The following MAP2K4 variants were observed in gnomAD, a reference collection of about 807,000 sequenced individuals.
MAP2K4 encodes mitogen-activated protein kinase kinase 4.
MAP2K4 carries 4 observed loss-of-function variants against 48.5 expected under a neutral mutation model. The observed-to-expected ratio is 0.08, with a 90% confidence interval of 0.04 to 0.19. The LOEUF (loss-of-function observed/expected upper bound fraction) is 0.19. MAP2K4 is among the 10% of genes least tolerant of loss of function. MAP2K4 has a pLI of 1.00. For missense variants in MAP2K4, 258 were observed against 493.3 expected (o/e 0.52, Z 4.52); for synonymous variants, 166 against 173.1 (o/e 0.96, Z 0.32).
intron 1 of MAP2K4, among the ~76,000 whole-genome samples, chr17:12,030,488 T>G (rs1212127971): frequency 1.3e-5 from 2 of 152,238 alleles, no homozygotes; most frequent in Non-Finnish European, 2.9e-5. Flanking sequence ...CTTATATAGA[T>G]TCTGTACTGG....
intron 4 of MAP2K4, among the ~76,000 whole-genome samples, 197 bp from the exon 5 acceptor site, chr17:12,107,593 T>C (rs1170419327): frequency 6.6e-6 from 1 of 152,054 alleles, no homozygotes; most frequent in Admixed American, 6.6e-5. Context: ...GAAAATTGGC[T>C]TTAACTACAT....
chr17:12,105,997 C>G (rs1026655991), intron 4 of MAP2K4, among the ~76,000 whole-genome samples: 17 of 152,096 alleles, frequency 1.1e-4, no homozygotes, highest in Admixed American at 6.6e-5. Context: ...TTATCACAGT[C>G]CACTGAGGAT....
chr17:12,125,233 C>T, intron 7 of MAP2K4, 61 bp from the exon 8 acceptor site: 1 of 1,251,028 alleles, frequency 8.0e-7, no homozygotes, highest in South Asian at 1.2e-5. Context: ...GCTGTTGCTT[C>T]CATTTGCCTA....
rs1191221032 is a variant in MAP2K4 at position 12,053,488 on chromosome 17, T to G, written c.116-1401T>G. On this transcript the variant is annotated intron_variant, in intron 1 of 10. Transcript: ENST00000353533. Reference sequence around the variant, plus strand: ...GCTACTGATTTTTGTATTGCAAGAGTTTTCCCAAGGTTCAATTTTTTTTTA... The same window carrying G: ...GCTACTGATTTTTGTATTGCAAGAGGTTTCCCAAGGTTCAATTTTTTTTTA... Among the ~76,000 whole-genome samples, 3 of 152,066 alleles carry G rather than the reference T, an allele frequency of 2.0e-5. No individual in the cohort carries two copies. In the East Asian group the frequency reaches 5.8e-4, roughly 29 times the overall value.
At chr17:12,036,251 C>T (rs544518557) in intron 1 of MAP2K4, among the ~76,000 whole-genome samples, 4 of 151,966 alleles carry the variant, frequency 2.6e-5, no homozygotes, top group African/African-American at 9.7e-5. Flanking sequence ...TGTAAGAACA[C>T]TTTAGGGAAA....
intron 7 of MAP2K4, among the ~76,000 whole-genome samples, chr17:12,117,044 TG>T (rs1353467229): frequency 6.6e-6 from 1 of 152,188 alleles, no homozygotes; most frequent in East Asian, 1.9e-4. Flanking sequence ...ATATGTGGTC[TG>T]TCGTTCACCA....
At chr17:12,066,916 A>T (rs1970635612) in intron 2 of MAP2K4, among the ~76,000 whole-genome samples, 1 of 152,140 alleles carries the variant, frequency 6.6e-6, no homozygotes, top group Non-Finnish European at 1.5e-5. Context: ...TGACCTCGTG[A>T]TCCGCCCGCC....
intron 5 of MAP2K4, among the ~76,000 whole-genome samples, 194 bp downstream of exon 5, chr17:12,108,103 A>G (rs1467287586): frequency 6.6e-6 from 1 of 152,160 alleles, no homozygotes; most frequent in Admixed American, 6.5e-5. Flanking sequence ...AAATACTGCC[A>G]ATGTTCTTTC....
At chr17:12,138,883 C>A (rs1000270544) in intron 9 of MAP2K4, among the ~76,000 whole-genome samples, 3 of 152,112 alleles carry the variant, frequency 2.0e-5, no homozygotes, top group African/African-American at 4.8e-5. Flanking sequence ...TTTTGTGGAT[C>A]AGTCATTAGA....
chr17:12,025,295 C>T (rs903879504), intron 1 of MAP2K4, among the ~76,000 whole-genome samples: 2 of 152,146 alleles, frequency 1.3e-5, no homozygotes, highest in African/African-American at 2.4e-5. Context: ...TAATGCCTAA[C>T]CTGTAGGGCC....
chr17:12,048,818 G>A (rs981263048), intron 1 of MAP2K4, among the ~76,000 whole-genome samples: 3 of 151,758 alleles, frequency 2.0e-5, no homozygotes, highest in African/African-American at 4.8e-5. Context: ...CACCACGCCC[G>A]GCTAATTTTT....
In MAP2K4 at chr17:12,029,672, C is replaced by T. The variant is rs910671904; in HGVS notation, c.115+8671C>T. On this transcript the variant is annotated intron_variant, in intron 1 of 10. Coordinates refer to ENST00000353533, the MANE Select transcript of MAP2K4 (RefSeq NM_003010.4). ...TGAACATATTGGCCAGGTGAGATGG[C>T]TCATGCCTATAATCCCATAACTTTG... Among the ~76,000 whole-genome samples the T allele has an allele frequency of 1.2e-3, 186 of 152,194 alleles. 1 individual carries two copies. The highest frequency in any genetic ancestry group is 4.4e-3 in the African/African-American group (182 of 41,526).
At chr17:12,091,341 G>A (rs1597458003) in intron 3 of MAP2K4, among the ~76,000 whole-genome samples, 1 of 152,218 alleles carries the variant, frequency 6.6e-6, no homozygotes, top group East Asian at 1.9e-4. Flanking sequence ...TATATGATTG[G>A]GACTGTTCAC....
intron 2 of MAP2K4, among the ~76,000 whole-genome samples, chr17:12,058,484 A>G (rs906065826): frequency 2.0e-5 from 3 of 151,904 alleles, no homozygotes; most frequent in South Asian, 4.1e-4. Flanking sequence ...CCTCATATTC[A>G]CTGCATGCCT....
chr17:12,041,119 C>T (rs2151516279), intron 1 of MAP2K4, among the ~76,000 whole-genome samples: 1 of 152,324 alleles, frequency 6.6e-6, no homozygotes, highest in Non-Finnish European at 1.5e-5. Context: ...TTTAGTCCAA[C>T]CTTTTAAAAC....
intron 1 of MAP2K4, chr17:12,021,449 G>GGCCGGCGCCCCTCGGCCCC (rs1969048756): frequency 6.6e-6 from 1 of 151,902 alleles, no homozygotes; most frequent in Non-Finnish European, 1.5e-5. Context: ...CAGCGGCCCC[G>GGCCGGCGCCCCTCGGCCCC]GCCGGCGCCC....
At chr17:12,057,812 T>C (rs1970328675) in intron 2 of MAP2K4, among the ~76,000 whole-genome samples, 1 of 152,212 alleles carries the variant, frequency 6.6e-6, no homozygotes, top group Non-Finnish European at 1.5e-5. Flanking sequence ...TTCCAAGAGT[T>C]GATTGTGGCA....
In MAP2K4 at chr17:12,081,172, C is replaced by G. The variant is rs1407311790; in HGVS notation, c.219-184C>G. ...AGCTGTGTCTATTGACTACCTAAAT[C>G]TAGATCATTCTTAATCCAGTGTGTA... On this transcript the variant is annotated intron_variant, in intron 2 of 10. Transcript: ENST00000353533. This position sits in a 1 kb window ranked among gnomAD's most constrained non-coding sequence, Gnocchi z 4.2. 1.3e-5 allele frequency among the ~76,000 whole-genome samples: 2 copies of G among 152,274 alleles called. No homozygotes were observed. Among genetic ancestry groups the G allele is most frequent in the South Asian group, 2.1e-4 (1 of 4,826 alleles).
At chr17:12,058,449 T>C (rs764031725) in intron 2 of MAP2K4, among the ~76,000 whole-genome samples, 1 of 152,188 alleles carries the variant, frequency 6.6e-6, no homozygotes, top group Non-Finnish European at 1.5e-5. Flanking sequence ...TCTGATCCAG[T>C]GTTCTATTGG....
Sources: gnomAD v4.1 joint callset for allele counts (sites outside exome capture counted in the v4.1 genomes callset) on GRCh38, gnomAD v4.1.1 for gene constraint, Gnocchi (gnomAD v3.1) non-coding constraint, MANE v1.5 for transcripts, NCBI Gene and HGNC (gene_info 2026-07-23, HGNC 2026-07-21) for gene names.